MROH7: variants seen among roughly 807,000 people sequenced by gnomAD.
MROH7 encodes the protein maestro heat like repeat family member 7, also known as maestro heat-like repeat-containing protein family member 7.
In MROH7, 113 loss-of-function variants were observed where a neutral mutation model predicts 129.2. That is an observed-to-expected ratio of 0.87 (90% CI 0.75 to 1.02). The LOEUF (loss-of-function observed/expected upper bound fraction) is 1.02. Ranked by LOEUF, MROH7 falls within the 50% of genes least tolerant of loss-of-function variation. The pLI is 0.00. For synonymous variants in MROH7, 655 were observed against 667.9 expected (o/e 0.98, Z 0.30); for missense variants, 1,601 against 1,671.3 (o/e 0.96, Z 0.73).
chr1:54,663,822 G>C (rs1644772123), intron 3 of MROH7: 1 of 449,850 alleles, frequency 2.2e-6, no homozygotes, highest in Non-Finnish European at 4.4e-6. Flanking sequence ...TCTCCAAGGA[G>C]CCTTGTTCCT....
chr1:54,675,558 G>C (rs1489623035), intron 10 of MROH7, among the ~76,000 whole-genome samples: 1 of 151,660 alleles, frequency 6.6e-6, no homozygotes, highest in Non-Finnish European at 1.5e-5. Context: ...TTTAGGGGTA[G>C]GAGTAGGAGC....
Position 54,710,090 on chromosome 1 carries a change from G to A in MROH7, c.3875G>A (p.Arg1292His), listed in dbSNP as rs376743757. The A allele has an allele frequency of 7.6e-5, 122 of 1,613,856 alleles. 1 individual carries two copies. The highest frequency in any genetic ancestry group is 1.1e-4 in the South Asian group (10 of 91,072). The change falls in exon 24 of 24, where the codon CGC (arginine) becomes CAC (histidine). Residue 1292 changes from arginine (R) to histidine (H), a missense_variant. Arg to His is a conservative substitution (Grantham distance 29, BLOSUM62 0). Coordinates refer to ENST00000421030, the MANE Select transcript of MROH7 (RefSeq NM_001039464.4). The stretch of plus-strand genomic sequence containing the variant: ...GTGTGTTACTCAGCCACCACCCACC[G>A]CTGGAGCCCCAGCTGTGAGAACCTG... ...SWVCYSATTH[R>H]WSPSCENLPT...
chr1:54,664,386 G>T lies in MROH7; in HGVS notation c.1232-781G>T, dbSNP rs186039676. Among the ~76,000 whole-genome samples the T allele has an allele frequency of 2.6e-5, 4 of 152,364 alleles. No homozygotes were observed. The East Asian group carries it at 7.7e-4, about 29-fold the overall frequency. On this transcript the variant is annotated intron_variant, in intron 3 of 23. Transcript: ENST00000421030. Reference sequence around the variant, plus strand: ...AGTGGCCTTTGCAGAGCCCCAGGGTGGGGGTGGCCTTTCTCAGGACTGGCA... The same window carrying T: ...AGTGGCCTTTGCAGAGCCCCAGGGTTGGGGTGGCCTTTCTCAGGACTGGCA...
At chr1:54,702,311 CGTTAACCAA>C in intron 20 of MROH7, 66 bp downstream of exon 20, 1 of 1,313,628 alleles carries the variant, frequency 7.6e-7, no homozygotes, top group Non-Finnish European at 9.9e-7. Context: ...CCTCTTTTTA[CGTTAACCAA>C]GCCAGAGTCT....
intron 13 of MROH7, 42 bp from the exon 14 acceptor site, chr1:54,682,614 T>C: frequency 6.3e-7 from 1 of 1,583,276 alleles, no homozygotes; most frequent in Non-Finnish European, 8.6e-7. Context: ...TTAGCCCCAC[T>C]GCCTTGGCCA....
At position 54,670,460 on chromosome 1, in the gene MROH7, C is replaced by T. The variant is rs775418497; in HGVS notation, c.1390-37C>T. The T allele has an allele frequency of 1.7e-5, 27 of 1,597,302 alleles. 1 individual carries two copies. The highest frequency in any genetic ancestry group is 3.3e-4 in the Middle Eastern group (2 of 6,046). ...CTTGGCCCTGGTGGCCTGCAGTAGC[C>T]CTGTCCTCATCGGCCCTTCTGTGGC... is the stretch of plus-strand genomic sequence containing the variant. On this transcript the variant is annotated intron_variant, in intron 5 of 23. Coordinates refer to ENST00000421030, the MANE Select transcript of MROH7 (RefSeq NM_001039464.4).
chr1:54,653,227 T>C lies in MROH7; in HGVS notation c.301T>C (p.Ser101Pro), dbSNP rs765668531. 2.0e-5 allele frequency: 33 copies of C among 1,614,166 alleles called. No individual in the cohort carries two copies. The highest frequency in any genetic ancestry group is 2.8e-5 in the Non-Finnish European group (33 of 1,180,028). The stretch of plus-strand genomic sequence containing the variant: ...CTCCCTCCAGATCACCAGTTCTTGT[T>C]CTGGTGAAGCCCTGGACCTGGATTC... Reference protein sequence around the residue: ...PASLQITSSCSGEALDLDSKD... With the variant: ...PASLQITSSCPGEALDLDSKD... Residue 101 changes from serine to proline, a missense_variant, in exon 3 of 24, where the codon TCT becomes CCT. Transcript: ENST00000421030.
chr1:54,709,149 G>A (rs1645583326), intron 23 of MROH7, 73 bp downstream of exon 23: 2 of 1,390,348 alleles, frequency 1.4e-6, no homozygotes, highest in Middle Eastern at 1.8e-4. Context: ...TGGGTAACAG[G>A]GAAAGGGAAG....
chr1:54,653,094 T>C lies in MROH7; in HGVS notation c.168T>C (p.Ala56=). The change falls in exon 3 of 24, where the codon GCT becomes GCC. Residue 56 remains alanine, a synonymous_variant. Transcript: ENST00000421030. ...MLNLLPSPGL[A]LVPDLNDSLS... ...ATCTGCTCCCAAGTCCTGGCTTGGC[T>C]CTCGTTCCAGATCTTAATGATTCTT... 1 of 1,614,154 alleles carries C rather than the reference T, an allele frequency of 6.2e-7. No homozygotes were observed.
Position 54,670,537 on chromosome 1 carries a change from C to A in MROH7, c.1430C>A (p.Ser477Tyr). Residue 477 changes from serine (S) to tyrosine (Y), a missense_variant, in exon 6 of 24, where the codon TCC becomes TAC. Physicochemically the swap from Ser to Tyr is moderately radical, Grantham distance 144. Transcript: ENST00000421030. ...QEEPLDSLSS[S>Y]VRKQAMEILT... ...GAGCCACTGGATTCTCTCTCAAGCT[C>A]CGTCCGCAAGCAGGCCATGGAGATC... 6.2e-7 allele frequency: 1 copy of A among 1,613,912 alleles called. No homozygotes were observed. Among genetic ancestry groups the A allele is most frequent in the Non-Finnish European group, 8.5e-7 (1 of 1,179,954 alleles).
intron 10 of MROH7, among the ~76,000 whole-genome samples, chr1:54,674,658 G>T (rs756376732): frequency 3.3e-5 from 5 of 152,204 alleles, no homozygotes; most frequent in Non-Finnish European, 5.9e-5. Flanking sequence ...AAAGCTTGTA[G>T]TTGGGAGAAC....
chr1:54,673,791 A>C lies in MROH7; in HGVS notation c.1786A>C (p.Thr596Pro). 1 of 1,613,654 alleles carries C rather than the reference A, an allele frequency of 6.2e-7. No individual in the cohort carries two copies. Among genetic ancestry groups the C allele is most frequent in the Non-Finnish European group, 8.5e-7 (1 of 1,179,694 alleles). The change falls in exon 9 of 24, where the codon ACT (threonine) becomes CCT (proline). Residue 596 changes from threonine (T) to proline (P), a missense_variant. By Grantham distance (38) the Thr-to-Pro change is conservative (BLOSUM62 -1). Coordinates refer to ENST00000421030, the MANE Select transcript of MROH7 (RefSeq NM_001039464.4). ...CTCTGTGTTGAACCACATGCTTCTA[A>C]CTCTGCCTTTCTTTGTGAGTGGCCC... ...NVSVLNHMLL[T>P]LPFFMPLGFP...
chr1:54,681,793 G>C (rs1645072847), intron 13 of MROH7, among the ~76,000 whole-genome samples: 2 of 152,168 alleles, frequency 1.3e-5, no homozygotes, highest in South Asian at 2.1e-4. Flanking sequence ...CTAGCCCCAG[G>C]CTGCTCAACT....
In MROH7 at chr1:54,644,535, G is replaced by T. The variant is rs1204463514; in HGVS notation, c.-110+2567G>T. Among the ~76,000 whole-genome samples the T allele has an allele frequency of 2.0e-5, 3 of 152,078 alleles. No individual in the cohort carries two copies. The East Asian group carries it at 5.8e-4, about 29-fold the overall frequency. On this transcript the variant is annotated intron_variant, in intron 1 of 23. Coordinates refer to ENST00000421030, the MANE Select transcript of MROH7 (RefSeq NM_001039464.4). The stretch of plus-strand genomic sequence containing the variant: ...TTTTTGTATTTTTAGTAGAGATAGG[G>T]TTTCACCATGTTGGCCAGGCTAGTC...
At position 54,695,415 on chromosome 1, in the gene MROH7, C is replaced by G; in HGVS notation, c.2889C>G (p.Ile963Met). 2 of 1,613,724 alleles carry G rather than the reference C, an allele frequency of 1.2e-6. No individual in the cohort carries two copies. The highest frequency in any genetic ancestry group is 2.2e-5 in the South Asian group (2 of 90,910). ...ACTCCTGCCAGGAGCTGTGCCGCAT[C>G]CTCTACCTGCTCATCCCGCTCCTGG... ...VQYSCQELCR[I>M]LYLLIPLLER... The change falls in exon 17 of 24, where the codon ATC becomes ATG. Residue 963 changes from isoleucine to methionine, a missense_variant. Coordinates refer to ENST00000421030, the MANE Select transcript of MROH7 (RefSeq NM_001039464.4).
At chr1:54,705,635 C>G (rs1645520888) in intron 21 of MROH7, among the ~76,000 whole-genome samples, 1 of 152,120 alleles carries the variant, frequency 6.6e-6, no homozygotes, top group African/African-American at 2.4e-5. Flanking sequence ...CAAATAGGAG[C>G]AATTTCTTGT....
At chr1:54,701,039 T>A (rs1645426769) in intron 18 of MROH7, 104 bp from the exon 19 acceptor site, 1 of 1,265,628 alleles carries the variant, frequency 7.9e-7, no homozygotes, top group Non-Finnish European at 1.1e-6. Flanking sequence ...GGCCTGGAAG[T>A]GGGGATTGGG....
At chr1:54,679,599 G>A (rs1645036605) in intron 12 of MROH7, among the ~76,000 whole-genome samples, 160 bp downstream of exon 12, 1 of 152,178 alleles carries the variant, frequency 6.6e-6, no homozygotes, top group African/African-American at 2.4e-5. Context: ...TGAGTTCTAG[G>A]TGCTCCCACC....
intron 14 of MROH7, among the ~76,000 whole-genome samples, chr1:54,685,157 C>T (rs967577533): frequency 6.6e-6 from 1 of 152,140 alleles, no homozygotes; most frequent in African/African-American, 2.4e-5. Flanking sequence ...GCTGGGACTA[C>T]AGGCACCCGC....
Sources: gnomAD v4.1 joint callset for allele counts (sites outside exome capture counted in the v4.1 genomes callset) on GRCh38, gnomAD v4.1.1 for gene constraint, MANE v1.5 for transcripts, NCBI Gene and HGNC (gene_info 2026-07-23, HGNC 2026-07-21) for gene names.